TBCE: variants seen among roughly 807,000 people sequenced by gnomAD.
The protein encoded by TBCE is tubulin-specific chaperone E.
A neutral mutation model predicts 77.0 loss-of-function variants in TBCE; 53 were observed. That is an observed-to-expected ratio of 0.69 (90% CI 0.55 to 0.87). TBCE has a LOEUF of 0.87. Among genes scored for constraint, TBCE ranks in the 40% least tolerant of loss-of-function variants. TBCE has a pLI of 0.00. For synonymous variants in TBCE, 235 were observed against 241.3 expected (o/e 0.97, Z 0.24); for missense variants, 624 against 622.4 (o/e 1.00, Z -0.03).
intron 3 of TBCE, among the ~76,000 whole-genome samples, chr1:235,412,558 C>T (rs151139451): frequency 3.2e-3 from 480 of 151,026 alleles, no homozygotes; most frequent in African/African-American, 0.01. Flanking sequence ...GTGATCTGCC[C>T]GCCTCAGCCT....
Position 235,432,557 on chromosome 1 carries a change from A to G in TBCE, c.661-1647A>G, listed in dbSNP as rs560394074. Reference sequence around the variant, plus strand: ...CGCTTTGGGAGGCTGAGGTGGGAGGATCACTTGAGCCCAGGAGTTTGAGGC... The same window carrying G: ...CGCTTTGGGAGGCTGAGGTGGGAGGGTCACTTGAGCCCAGGAGTTTGAGGC... On this transcript the variant is annotated intron_variant, in intron 7 of 16. Coordinates refer to ENST00000642610, the MANE Select transcript of TBCE (RefSeq NM_003193.5). 1.7e-4 allele frequency among the ~76,000 whole-genome samples: 26 copies of G among 152,236 alleles called. No individual in the cohort carries two copies. In the South Asian group the frequency reaches 5.2e-3, roughly 30 times the overall value.
intron 3 of TBCE, among the ~76,000 whole-genome samples, chr1:235,405,763 G>A (rs187926020): frequency 2.0e-5 from 3 of 152,152 alleles, no homozygotes; most frequent in Admixed American, 6.5e-5. Context: ...ATACATAATT[G>A]TATGTGCTAT....
At chr1:235,433,005 G>A in intron 7 of TBCE, 1 of 1,516,686 alleles carries the variant, frequency 6.6e-7, no homozygotes, top group Non-Finnish European at 8.8e-7. Flanking sequence ...ACGCCAGCAA[G>A]TTCGTGGATC....
intron 3 of TBCE, among the ~76,000 whole-genome samples, chr1:235,410,884 T>TA (rs1679747686): frequency 1.3e-5 from 2 of 152,256 alleles, no homozygotes; most frequent in African/African-American, 4.8e-5. Flanking sequence ...AGGCCATTCA[T>TA]AACTCTTGAG....
intron 1 of TBCE, among the ~76,000 whole-genome samples, chr1:235,375,905 G>A (rs1217840952): frequency 1.3e-5 from 2 of 151,992 alleles, no homozygotes; most frequent in African/African-American, 2.4e-5. Context: ...AAAATTAGCC[G>A]GGCTTGGTGG....
rs943375046 is a variant in TBCE at position 235,368,874 on chromosome 1, C to T, written c.-32+1370C>T. On this transcript the variant is annotated intron_variant, in intron 1 of 16. Transcript: ENST00000642610. ...AGCCACCGTGCCCAGCCCAGTCTGC[C>T]TTTTGACTAGCAGGTTTATTGGATT... is the stretch of plus-strand genomic sequence containing the variant. 5.3e-5 allele frequency among the ~76,000 whole-genome samples: 8 copies of T among 152,062 alleles called. No homozygotes were observed. The East Asian group carries it at 1.5e-3, about 29-fold the overall frequency.
At chr1:235,436,084 A>G in intron 9 of TBCE, 1 of 603,486 alleles carries the variant, frequency 1.7e-6, no homozygotes, top group South Asian at 2.0e-5. Flanking sequence ...CCCTGGTGAT[A>G]ATGCGGAAAG....
intron 3 of TBCE, among the ~76,000 whole-genome samples, chr1:235,408,002 T>C (rs1032828190): frequency 6.6e-6 from 1 of 152,228 alleles, no homozygotes; most frequent in African/African-American, 2.4e-5. Context: ...AAGTTCTCTT[T>C]TCTGGTGAGA....
chr1:235,398,434 C>T (rs527238608), intron 2 of TBCE, among the ~76,000 whole-genome samples: 1 of 152,012 alleles, frequency 6.6e-6, no homozygotes, highest in Admixed American at 6.6e-5. Context: ...GTGTGAGCCA[C>T]CGTGCCCGGG....
In TBCE at chr1:235,434,356, C is replaced by G. The variant is rs1043283769; in HGVS notation, c.737+76C>G. The G allele has an allele frequency of 3.9e-6, 5 of 1,289,060 alleles. No homozygotes were observed. The African/African-American group carries it at 7.3e-5, about 19-fold the overall frequency. 79.9% of individuals were successfully genotyped at this position (1,289,060 alleles called of 1,614,324 possible). A position where few individuals can be genotyped will look rare whatever the true frequency, so the allele number is the denominator to read the frequency against. On this transcript the variant is annotated intron_variant, in intron 8 of 16. Transcript: ENST00000642610. ...AGTAAATAAATGGTCTCAATTATAT[C>G]TAACCTTAATTTTTAGAAGGATTTG...
chr1:235,374,759 C>G (rs748485974), intron 1 of TBCE, among the ~76,000 whole-genome samples: 4 of 144,960 alleles, frequency 2.8e-5, no homozygotes, highest in Admixed American at 6.9e-5. Flanking sequence ...CCTTGTCCTC[C>G]CGAAGTGCTG....
At chr1:235,440,077 T>G (rs1003057034) in intron 13 of TBCE, among the ~76,000 whole-genome samples, 1 of 152,036 alleles carries the variant, frequency 6.6e-6, no homozygotes, top group Non-Finnish European at 1.5e-5. Context: ...TTCACGCCAT[T>G]CTCCTGCCTC....
chr1:235,417,863 A>G (rs899825805), intron 4 of TBCE, among the ~76,000 whole-genome samples: 1 of 148,104 alleles, frequency 6.8e-6, no homozygotes, highest in African/African-American at 2.5e-5. Context: ...TGCAACCTCC[A>G]CCCTCCCGGG....
At chr1:235,391,434 G>A (rs12131823) in intron 2 of TBCE, among the ~76,000 whole-genome samples, 82,758 of 148,946 alleles carry the variant, frequency 0.56, 23,132 homozygotes, top group East Asian at 0.63. Flanking sequence ...GCAGTGAGCC[G>A]AGATTGCACC....
chr1:235,367,993 C>T lies in TBCE; in HGVS notation c.-32+489C>T, dbSNP rs191161041. Among the ~76,000 whole-genome samples, 356 of 152,254 alleles carry T rather than the reference C, an allele frequency of 2.3e-3. 1 individual carries two copies. The highest frequency in any genetic ancestry group is 3.8e-3 in the Non-Finnish European group (259 of 68,010). On this transcript the variant is annotated intron_variant, in intron 1 of 16. Transcript: ENST00000642610. ...TGATCTCGGCTTACTGCAACCTCCG[C>T]CTCCTGGGTTCAAGCGATTCTGCTG...
At position 235,437,444 on chromosome 1, in the gene TBCE, T is replaced by C; in HGVS notation, c.1086T>C (p.Ile362=). The stretch of plus-strand genomic sequence containing the variant: ...CGCGACTACTCATTATCGCCAGCAT[T>C]GGCCAGCTGAAGACGCTGAACAAAT... ...ETARLLIIAS[I]GQLKTLNKCE... Residue 362 remains isoleucine (I), a synonymous_variant, in exon 12 of 17, where the codon ATT becomes ATC. Coordinates refer to ENST00000642610, the MANE Select transcript of TBCE (RefSeq NM_003193.5). 6.2e-7 allele frequency: 1 copy of C among 1,614,116 alleles called. No homozygotes were observed. Among genetic ancestry groups the C allele is most frequent in the African/African-American group, 1.3e-5 (1 of 75,042 alleles).
intron 3 of TBCE, among the ~76,000 whole-genome samples, chr1:235,407,212 C>T (rs968859989): frequency 5.3e-5 from 8 of 149,550 alleles, no homozygotes; most frequent in African/African-American, 2.0e-4. Flanking sequence ...TGGCTCGTTG[C>T]AGCCTCAACC....
intron 3 of TBCE, among the ~76,000 whole-genome samples, chr1:235,404,940 G>A (rs970273234): frequency 1.0e-4 from 15 of 149,630 alleles, no homozygotes; most frequent in Admixed American, 2.7e-4. Flanking sequence ...GATTATAGGC[G>A]TGAGCCACCA....
chr1:235,444,881 ACT>A (rs747267818), intron 15 of TBCE, among the ~76,000 whole-genome samples: 4 of 152,254 alleles, frequency 2.6e-5, no homozygotes, highest in Non-Finnish European at 5.9e-5. Flanking sequence ...TCTGGAAGGC[ACT>A]GAGGTAGACC....
Sources: gnomAD v4.1 joint callset for allele counts (sites outside exome capture counted in the v4.1 genomes callset) on GRCh38, gnomAD v4.1.1 for gene constraint, MANE v1.5 for transcripts, NCBI Gene and HGNC (gene_info 2026-07-23, HGNC 2026-07-21) for gene names.